The following RAB6A variants were observed in gnomAD, a reference collection of about 807,000 sequenced individuals.
RAB6A encodes the protein ras-related protein Rab-6A.
In RAB6A, 8 loss-of-function variants were observed where a neutral mutation model predicts 32.3. The ratio of observed to expected loss-of-function variants is 0.25; its 90% CI spans 0.15 to 0.45. The LOEUF (loss-of-function observed/expected upper bound fraction) is 0.45. Ranked by LOEUF, RAB6A falls within the 20% of genes least tolerant of loss-of-function variation. RAB6A has a pLI of 1.00. For missense variants in RAB6A, 104 were observed against 249.4 expected (o/e 0.42, Z 3.93); for synonymous variants, 73 against 82.1 (o/e 0.89, Z 0.60).
intron 6 of RAB6A, among the ~76,000 whole-genome samples, 192 bp downstream of exon 6, chr11:73,707,228 G>A (rs547927948): frequency 6.9e-4 from 104 of 151,580 alleles, no homozygotes; most frequent in Non-Finnish European, 9.6e-4. Flanking sequence ...TTCTATCCAC[G>A]ATCTGAAGTT....
chr11:73,700,673 GCTGT>G (rs549495651), intron 6 of RAB6A, among the ~76,000 whole-genome samples: 167 of 150,080 alleles, frequency 1.1e-3, no homozygotes, highest in Non-Finnish European at 1.8e-3. Flanking sequence ...TTTTTCAGAG[GCTGT>G]CTTTTTATGA....
chr11:73,704,578 G>C (rs1002051152), intron 6 of RAB6A, among the ~76,000 whole-genome samples: 1 of 151,368 alleles, frequency 6.6e-6, no homozygotes, highest in African/African-American at 2.4e-5. Flanking sequence ...CCAGCTACTC[G>C]GGAGGCTGCG....
rs762361474 is a variant in RAB6A at position 73,760,585 on chromosome 11, C to T, written c.51G>A (p.Val17=). 1.2e-6 allele frequency: 2 copies of T among 1,611,168 alleles called. No homozygotes were observed. The highest frequency in any genetic ancestry group is 2.7e-5 in the African/African-American group (2 of 74,980). The stretch of plus-strand genomic sequence containing the variant: ...ACTCACCGCTTTGCTCCCCCAGGAA[C>T]ACCAGCTTGAATTTCCTCAGCGGAT... The part of the protein sequence containing the change: ...FGNPLRKFKL[V]FLGEQSVGKT... Residue 17 remains valine, a synonymous_variant, in exon 1 of 8, where the codon GTG becomes GTA. Coordinates refer to ENST00000336083, the MANE Select transcript of RAB6A (RefSeq NM_198896.2).
intron 2 of RAB6A, among the ~76,000 whole-genome samples, chr11:73,727,985 A>T (rs1365898305): frequency 6.6e-6 from 1 of 152,198 alleles, no homozygotes; most frequent in African/African-American, 2.4e-5. Context: ...TTTTAACTTA[A>T]AATTTTTTTA....
At position 73,677,517 on chromosome 11, in the gene RAB6A, G is replaced by A. The variant is rs775455246; in HGVS notation, c.*381C>T. On this transcript the variant is annotated 3_prime_UTR_variant, in exon 8 of 8. Transcript: ENST00000336083. ...GGTAAGTGAGAGGTGAGAAAAGCAAGGAGAGATAAAGTAGGCTGTGAACAT... is the reference window on the plus strand; with the variant it reads ...GGTAAGTGAGAGGTGAGAAAAGCAAAGAGAGATAAAGTAGGCTGTGAACAT... The A allele has an allele frequency of 5.3e-5, 21 of 396,764 alleles. No homozygotes were observed. The highest frequency in any genetic ancestry group is 9.8e-5 in the Non-Finnish European group (21 of 213,652). The allele number at this position is 396,764 out of a possible 1,614,324, so 24.6% of individuals were successfully genotyped here.
chr11:73,754,082 A>C (rs776861749), intron 1 of RAB6A, among the ~76,000 whole-genome samples: 2 of 152,238 alleles, frequency 1.3e-5, no homozygotes, highest in Non-Finnish European at 2.9e-5. Flanking sequence ...TGTTATAGAT[A>C]AGGAAAAATG....
chr11:73,709,474 T>TATTATG (rs113302104), intron 5 of RAB6A, among the ~76,000 whole-genome samples: 2 of 147,754 alleles, frequency 1.4e-5, no homozygotes, highest in African/African-American at 2.5e-5. Context: ...CTATTATTAT[T>TATTATG]ATGACTCGTG....
intron 2 of RAB6A, among the ~76,000 whole-genome samples, chr11:73,722,058 T>TATATATATATATATATATA (rs1270436615): frequency 9.5e-5 from 14 of 147,752 alleles, no homozygotes; most frequent in South Asian, 2.1e-4. Context: ...TCTGCCATGA[T>TATATATATATATATATATA]TGTAAGTTTC....
chr11:73,722,309 A>C (rs3952729), intron 2 of RAB6A: 1 of 55,650 alleles, frequency 1.8e-5, no homozygotes, highest in Non-Finnish European at 3.7e-5. Context: ...GTGTGTGTAT[A>C]TATATATATA....
Position 73,760,659 on chromosome 11 carries a change from C to A in RAB6A, c.-24G>T. On this transcript the variant is annotated 5_prime_UTR_variant, in exon 1 of 8. Coordinates refer to ENST00000336083, the MANE Select transcript of RAB6A (RefSeq NM_198896.2). ...ATTGTGGAACTAGAGGAGCGGCCGC[C>A]GCCTCAGCCTAGAGACCTCCCGGAC... is the stretch of plus-strand genomic sequence containing the variant. The A allele has an allele frequency of 1.9e-6, 3 of 1,600,084 alleles. No homozygotes were observed. Among genetic ancestry groups the A allele is most frequent in the Non-Finnish European group, 2.6e-6 (3 of 1,173,876 alleles).
At chr11:73,757,447 C>T (rs1946779812) in intron 1 of RAB6A, among the ~76,000 whole-genome samples, 1 of 151,936 alleles carries the variant, frequency 6.6e-6, no homozygotes, top group Non-Finnish European at 1.5e-5. Context: ...GCTGGGATTA[C>T]AGGCATGAAC....
intron 1 of RAB6A, among the ~76,000 whole-genome samples, chr11:73,742,190 G>A (rs1261305607): frequency 1.3e-5 from 2 of 152,282 alleles, no homozygotes; most frequent in East Asian, 3.9e-4. Flanking sequence ...GCTGAGGCAG[G>A]AGAATTGCTT....
intron 1 of RAB6A, among the ~76,000 whole-genome samples, chr11:73,753,091 T>A (rs896072568): frequency 6.6e-6 from 1 of 151,612 alleles, no homozygotes; most frequent in Non-Finnish European, 1.5e-5. Context: ...GCTAAAAAAA[T>A]TTTTTTTAAT....
intron 1 of RAB6A, among the ~76,000 whole-genome samples, chr11:73,732,381 T>C (rs1405028522): frequency 1.3e-5 from 2 of 151,798 alleles, no homozygotes; most frequent in African/African-American, 2.4e-5. Flanking sequence ...GGTCAGGAGA[T>C]TGAGACCATC....
intron 2 of RAB6A, among the ~76,000 whole-genome samples, chr11:73,724,133 A>T (rs1384782050): frequency 6.6e-6 from 1 of 152,240 alleles, no homozygotes; most frequent in Non-Finnish European, 1.5e-5. Flanking sequence ...TATAGGCTGC[A>T]GAAAGTTCAC....
At position 73,760,771 on chromosome 11, in the gene RAB6A, G is replaced by T; in HGVS notation, c.-136C>A. The T allele has an allele frequency of 1.6e-6, 2 of 1,281,348 alleles. No individual in the cohort carries two copies. Among genetic ancestry groups the T allele is most frequent in the Non-Finnish European group, 2.2e-6 (2 of 926,704 alleles). 79.4% of individuals were successfully genotyped at this position (1,281,348 alleles called of 1,614,324 possible). On this transcript the variant is annotated 5_prime_UTR_variant, in exon 1 of 8. Coordinates refer to ENST00000336083, the MANE Select transcript of RAB6A (RefSeq NM_198896.2). ...GGCCCCTGCAAGGCCCGGTGGAGGA[G>T]CCCGGCTGGAGGGCAGCAGGACTCT...
intron 6 of RAB6A, among the ~76,000 whole-genome samples, chr11:73,681,681 T>TGCCCGTAATCCCA (rs2134863428): frequency 6.6e-6 from 1 of 152,262 alleles, no homozygotes; most frequent in African/African-American, 2.4e-5. Context: ...TGGTAGCGCA[T>TGCCCGTAATCCCA]GCCCGTAATC....
chr11:73,751,595 C>T (rs1355852361), intron 1 of RAB6A, among the ~76,000 whole-genome samples: 1 of 152,154 alleles, frequency 6.6e-6, no homozygotes, highest in African/African-American at 2.4e-5. Context: ...CTTCTATTCC[C>T]TCTTCTGTTC....
chr11:73,687,992 T>C (rs565542777), intron 6 of RAB6A, among the ~76,000 whole-genome samples: 2 of 152,324 alleles, frequency 1.3e-5, no homozygotes, highest in African/African-American at 4.8e-5. Flanking sequence ...GTGTCTTTCT[T>C]AGTGTATCAT....
Sources: gnomAD v4.1 joint callset for allele counts (sites outside exome capture counted in the v4.1 genomes callset) on GRCh38, gnomAD v4.1.1 for gene constraint, MANE v1.5 for transcripts, NCBI Gene and HGNC (gene_info 2026-07-23, HGNC 2026-07-21) for gene names.